The following DNASE1 variants were observed in gnomAD, a reference collection of about 807,000 sequenced individuals.
DNASE1 encodes the protein deoxyribonuclease 1.
DNASE1 carries 40 observed loss-of-function variants against 33.9 expected under a neutral mutation model. The observed-to-expected ratio is 1.18, with a 90% CI of 0.92 to 1.54. The LOEUF is 1.54. Among genes scored for constraint, DNASE1 ranks in the 40% most tolerant of loss-of-function variants. The probability of loss-of-function intolerance (pLI) is 0.00; values close to 1 mark genes in which losing one functional copy is unlikely to be tolerated. For synonymous variants in DNASE1, 216 were observed against 160.0 expected (o/e 1.35, Z -2.64); for missense variants, 518 against 372.6 (o/e 1.39, Z -3.21).
intron 1 of DNASE1, among the ~76,000 whole-genome samples, chr16:3,621,409 G>T (rs112205922): frequency 2.3e-4 from 35 of 152,158 alleles, no homozygotes; most frequent in African/African-American, 8.0e-4. Context: ...AAGAATACCT[G>T]TACATTGTTA....
chr16:3,657,638 G>T, intron 7 of DNASE1, 82 bp from the exon 8 acceptor site: 1 of 1,570,436 alleles, frequency 6.4e-7, no homozygotes, highest in Non-Finnish European at 8.7e-7. Context: ...AGGTCCCAGG[G>T]CTCTTAGTTT....
chr16:3,621,397 A>G (rs112615828), intron 1 of DNASE1, among the ~76,000 whole-genome samples: 35 of 152,164 alleles, frequency 2.3e-4, no homozygotes, highest in African/African-American at 8.0e-4. Flanking sequence ...CCTGTTTTAG[A>G]AAAGAATACC....
chr16:3,632,586 C>G (rs1416869276), intron 1 of DNASE1, among the ~76,000 whole-genome samples: 1 of 141,264 alleles, frequency 7.1e-6, no homozygotes, highest in Non-Finnish European at 1.6e-5. Context: ...TTTTTTCTCT[C>G]TTTTTTTTTT....
chr16:3,663,422 AC>A, exon 10 of DNASE1: 1 of 1,613,996 alleles, frequency 6.2e-7, no homozygotes, highest in Admixed American at 1.7e-5. Flanking sequence ...GGGGATGCCG[AC>A]CTGGGGACCT....
At chr16:3,630,053 A>G (rs1567192027) in intron 1 of DNASE1, among the ~76,000 whole-genome samples, 1 of 152,186 alleles carries the variant, frequency 6.6e-6, no homozygotes, top group Non-Finnish European at 1.5e-5. Flanking sequence ...TCCTAACCGC[A>G]GGTGATCTGC....
At chr16:3,647,571 GC>G (rs1184506312) in intron 1 of DNASE1, among the ~76,000 whole-genome samples, 2 of 152,262 alleles carry the variant, frequency 1.3e-5, no homozygotes, top group African/African-American at 4.8e-5. Context: ...ACCACACGCA[GC>G]CAGAAAATTT....
At chr16:3,616,291 A>G (rs1311816630) in intron 1 of DNASE1, among the ~76,000 whole-genome samples, 1 of 152,082 alleles carries the variant, frequency 6.6e-6, no homozygotes, top group Non-Finnish European at 1.5e-5. Flanking sequence ...CAACGTTTTA[A>G]TTTTTTTGCA....
In DNASE1 at chr16:3,664,042, G is replaced by A. The variant is rs185883165; in HGVS notation, c.*6089G>A. 2.5e-3 allele frequency: 1,208 copies of A among 480,074 alleles called. 2 individuals carry two copies. Among genetic ancestry groups the A allele is most frequent in the Middle Eastern group, 4.5e-3 (8 of 1,776 alleles). The allele number at this position is 480,074 out of a possible 1,614,324, so 29.7% of individuals were successfully genotyped here. A position where few individuals can be genotyped will look rare whatever the true frequency, so the allele number is the denominator to read the frequency against. On this transcript the variant is annotated 3_prime_UTR_variant, in exon 10 of 10. Coordinates refer to the DNASE1 transcript ENST00000407479. The stretch of plus-strand genomic sequence containing the variant: ...CGCACCACTGCACTCTAGCCTGGGC[G>A]AGAGAGCAAGACTCCATCTCAAAAA...
At chr16:3,645,239 C>G (rs1484690999) in intron 1 of DNASE1, among the ~76,000 whole-genome samples, 1 of 152,222 alleles carries the variant, frequency 6.6e-6, no homozygotes, top group East Asian at 1.9e-4. Flanking sequence ...GGCGCCCTCC[C>G]TTTTCCTTTC....
downstream of DNASE1, chr16:3,661,970 C>A (rs1596684968): frequency 6.3e-7 from 1 of 1,587,934 alleles, no homozygotes; most frequent in East Asian, 2.3e-5. Flanking sequence ...CTGGAAGAGC[C>A]AGGAGCGTGG....
At chr16:3,656,210 G>A (rs1167372157) in intron 4 of DNASE1, 25 bp downstream of exon 4, 5 of 1,611,746 alleles carry the variant, frequency 3.1e-6, no homozygotes, top group South Asian at 1.1e-5. Flanking sequence ...AAGCCAGGAA[G>A]CCCCTCCCTC....
upstream of DNASE1, chr16:3,654,315 C>G (rs976555569): frequency 2.5e-6 from 1 of 398,584 alleles, no homozygotes; most frequent in Non-Finnish European, 4.4e-6. Context: ...CCTGGCCCCA[C>G]GGCGCTGGTG....
rs1013900596 is a variant in DNASE1 at position 3,646,020 on chromosome 16, A to G, written c.-86+2984A>G. ...CCCTGGGGCCAGCAAACACCTCCCAAGGGAGAGGAGAGAAAGAACCCCGAG... is the reference window on the plus strand; with the variant it reads ...CCCTGGGGCCAGCAAACACCTCCCAGGGGAGAGGAGAGAAAGAACCCCGAG... On this transcript the variant is annotated intron_variant, in intron 1 of 9. Coordinates refer to the DNASE1 transcript ENST00000407479. Among the ~76,000 whole-genome samples the G allele has an allele frequency of 2.6e-5, 4 of 152,056 alleles. No homozygotes were observed. The East Asian group carries it at 7.7e-4, about 29-fold the overall frequency.
intron 1 of DNASE1, among the ~76,000 whole-genome samples, chr16:3,636,297 C>A (rs755501304): frequency 6.6e-6 from 1 of 152,036 alleles, no homozygotes; most frequent in Non-Finnish European, 1.5e-5. Context: ...GTCTTTATCT[C>A]TGCTGAAATT....
chr16:3,658,200 G>C (rs755527234), downstream of DNASE1: 5 of 1,613,894 alleles, frequency 3.1e-6, no homozygotes, highest in Non-Finnish European at 4.2e-6. Flanking sequence ...TCGTCAACAA[G>C]TCCAGCAGCA....
chr16:3,656,071 G>A (rs371966877), intron 3 of DNASE1, 31 bp from the exon 4 acceptor site: 16 of 1,613,086 alleles, frequency 9.9e-6, no homozygotes, highest in Admixed American at 3.3e-5. Flanking sequence ...TATGGCCCCC[G>A]CCACTGGGAC....
chr16:3,622,724 C>G lies in DNASE1; in HGVS notation c.-1359+10718C>G, dbSNP rs1410360099. ...ACTTCAGCCTCCCACGTAGCTGGGA[C>G]TACACCTATGTGCTACTGTACCTGG... On this transcript the variant is annotated intron_variant and NMD_transcript_variant, in intron 1 of 11. Transcript: ENST00000570769. Among the ~76,000 whole-genome samples the G allele has an allele frequency of 3.3e-5, 5 of 152,328 alleles. No homozygotes were observed. The East Asian group carries it at 9.6e-4, about 29-fold the overall frequency.
At chr16:3,626,381 C>G (rs546079097) in intron 1 of DNASE1, among the ~76,000 whole-genome samples, 1 of 152,172 alleles carries the variant, frequency 6.6e-6, no homozygotes, top group Admixed American at 6.6e-5. Flanking sequence ...TAAGGACTTC[C>G]TGTTTGAGCC....
downstream of DNASE1, chr16:3,658,782 G>C (rs376429015): frequency 2.2e-5 from 36 of 1,612,944 alleles, 1 homozygote; most frequent in African/African-American, 4.5e-4. Context: ...ATCCTAAGCT[G>C]CTGCACTCAC....
Sources: allele counts gnomAD v4.1 joint callset (sites outside exome capture counted in the v4.1 genomes callset), GRCh38; gene constraint gnomAD v4.1.1; transcripts MANE v1.5; gene names NCBI Gene and HGNC (gene_info 2026-07-23, HGNC 2026-07-21).